Variants in ZNF736 observed in about 807,000 individuals in gnomAD.
ZNF736 encodes zinc finger protein 736.
In ZNF736, 6 loss-of-function variants were observed where a neutral mutation model predicts 11.7. That is an observed-to-expected ratio of 0.51 (90% CI 0.28 to 1.01). ZNF736 has a LOEUF of 1.01. Ranked by LOEUF, ZNF736 falls within the 50% of genes least tolerant of loss-of-function variation. The pLI is 0.09. For synonymous variants in ZNF736, 139 were observed against 164.7 expected (o/e 0.84, Z 1.19); for missense variants, 444 against 496.0 (o/e 0.90, Z 1.00).
In ZNF736 at chr7:64,354,733, GTGTATTTTATATTT is replaced by G. The variant is rs1435327589; in HGVS notation, c.*5590_*5603del. 6.6e-6 allele frequency: 1 copy of G among 152,118 alleles called. No homozygotes were observed. Among genetic ancestry groups the G allele is most frequent in the Non-Finnish European group, 1.5e-5 (1 of 68,014 alleles). 9.4% of individuals were successfully genotyped at this position (152,118 alleles called of 1,614,324 possible). On this transcript the variant is annotated 3_prime_UTR_variant, in exon 4 of 4. Transcript: ENST00000423484. ...CAGTGCGTGTATTGTATGTTATTTA[GTGTATTTTATATTT>G]TGTTTCAATTAGAGAATGCTATTGA...
chr7:64,320,892 G>T (rs1341255008), intron 1 of ZNF736, among the ~76,000 whole-genome samples: 1 of 152,080 alleles, frequency 6.6e-6, no homozygotes, highest in Non-Finnish European at 1.5e-5. Context: ...TTGCATTTTG[G>T]GGTCATCTGA....
In ZNF736 at chr7:64,353,886, A is replaced by G. The variant is rs1789522197; in HGVS notation, c.*4739A>G. 1 of 152,332 alleles carries G rather than the reference A, an allele frequency of 6.6e-6. No homozygotes were observed. Among genetic ancestry groups the G allele is most frequent in the South Asian group, 2.1e-4 (1 of 4,832 alleles). The allele number at this position is 152,332 out of a possible 1,614,324, so 9.4% of individuals were successfully genotyped here. ...CTTTTTAATGACAATGTGTGAACTT[A>G]ATTTGTTTTAATAAACCAAAATTAT... On this transcript the variant is annotated 3_prime_UTR_variant, in exon 4 of 4. Transcript: ENST00000423484.
chr7:64,337,848 A>G (rs1278620489), intron 3 of ZNF736, among the ~76,000 whole-genome samples: 1 of 145,520 alleles, frequency 6.9e-6, no homozygotes, highest in Non-Finnish European at 1.5e-5. Flanking sequence ...TCCGCCTCCC[A>G]GGTTCAAGCG....
In ZNF736 at chr7:64,353,699, C is replaced by CTTG. The variant is rs1789519759; in HGVS notation, c.*4554_*4555insGTT. 1 of 22,420 alleles carries CTTG rather than the reference C, an allele frequency of 4.5e-5. No homozygotes were observed. Among genetic ancestry groups the CTTG allele is most frequent in the South Asian group, 6.8e-4 (1 of 1,478 alleles). The allele number at this position is 22,420 out of a possible 1,614,324, so 1.4% of individuals were successfully genotyped here. A position where few individuals can be genotyped will look rare whatever the true frequency, so the allele number is the denominator to read the frequency against. ...GAAGAAATTCTAAGTGGAAAGGCCA[C>CTTG]TTATTAGTTTACAGCAGTATCGTAA... On this transcript the variant is annotated 3_prime_UTR_variant, in exon 4 of 4. Transcript: ENST00000423484.
At chr7:64,319,565 G>A (rs1381044214) in intron 1 of ZNF736, among the ~76,000 whole-genome samples, 2 of 121,990 alleles carry the variant, frequency 1.6e-5, no homozygotes, top group Non-Finnish European at 3.2e-5. Context: ...GAGCGGTCTT[G>A]GCTCACTGCA....
Position 64,348,347 on chromosome 7 carries a change from G to T in ZNF736, c.484G>T (p.Glu162Ter). 1 of 1,551,490 alleles carries T rather than the reference G, an allele frequency of 6.4e-7. No individual in the cohort carries two copies. Among genetic ancestry groups the T allele is most frequent in the Non-Finnish European group, 8.7e-7 (1 of 1,146,828 alleles). The change falls in exon 4 of 4, where the codon GAA becomes TAA. Residue 162 changes from glutamate (E) to a stop codon, truncating the protein, a stop_gained. Transcript: ENST00000423484. LOFTEE classifies it low-confidence loss of function (END_TRUNC). ...RGFQLCSIFTEHKDIFSREKC... is the reference protein window; with the variant it reads ...RGFQLCSIFT The stretch of plus-strand genomic sequence containing the variant: ...TTTTCAGTTGTGCTCAATCTTCACT[G>T]AACATAAAGACATTTTTAGCAGAGA...
rs1382286438 is a variant in ZNF736 at position 64,355,959 on chromosome 7, A to G, written c.*6812A>G. The stretch of plus-strand genomic sequence containing the variant: ...TCTGGGTTGATTTGGGGGCAATTGG[A>G]TGATATATAGAGTGGTTATGCTGCA... On this transcript the variant is annotated 3_prime_UTR_variant, in exon 4 of 4. Coordinates refer to ENST00000423484, the MANE Select transcript of ZNF736 (RefSeq NM_001170905.3). 2.1e-5 allele frequency: 4 copies of G among 189,112 alleles called. No individual in the cohort carries two copies. In the East Asian group the frequency reaches 5.2e-4, roughly 25 times the overall value. The allele number at this position is 189,112 out of a possible 1,614,324, so 11.7% of individuals were successfully genotyped here.
In ZNF736 at chr7:64,335,297, T is replaced by TA. The variant is rs551244679; in HGVS notation, c.4-950dup. ...CACATGTATCCCAGAACTTAAAGTT[T>TA]AAAAAAAAAAAAGTTTAGCCAAAAA... On this transcript the variant is annotated intron_variant, in intron 1 of 3. Coordinates refer to ENST00000423484, the MANE Select transcript of ZNF736 (RefSeq NM_001170905.3). Among the ~76,000 whole-genome samples the TA allele has an allele frequency of 2.4e-3, 343 of 145,424 alleles. 1 individual carries two copies. Among genetic ancestry groups the TA allele is most frequent in the African/African-American group, 7.8e-3 (312 of 39,864 alleles).
chr7:64,347,525 C>T (rs1789428383), intron 3 of ZNF736, among the ~76,000 whole-genome samples: 3 of 152,098 alleles, frequency 2.0e-5, no homozygotes, highest in Admixed American at 2.0e-4. Flanking sequence ...CACTCCTGGC[C>T]ATTCCCTATG....
At chr7:64,347,837 TG>T (rs988385721) in intron 3 of ZNF736, among the ~76,000 whole-genome samples, 1 of 152,172 alleles carries the variant, frequency 6.6e-6, no homozygotes, top group Non-Finnish European at 1.5e-5. Context: ...TGGGTAAATA[TG>T]AAATACTTTT....
At chr7:64,314,669 A>G (rs1371963099) in intron 1 of ZNF736, among the ~76,000 whole-genome samples, 2 of 152,078 alleles carry the variant, frequency 1.3e-5, no homozygotes, top group African/African-American at 2.4e-5. Flanking sequence ...GGCTCAGATG[A>G]TCCTCTCACC....
At position 64,336,929 on chromosome 7, in the gene ZNF736, A is replaced by G. The variant is rs1209515330; in HGVS notation, c.173A>G (p.Gln58Arg). ...CCAGACTTGATGACCTGTCTGGAGC[A>G]AAGAAAAGAGCCTTGGAAAGTGAAG... ...FKPDLMTCLE[Q>R]RKEPWKVKRQ... is the part of the protein sequence containing the mutation. Residue 58 changes from glutamine to arginine, a missense_variant, in exon 3 of 4, where the codon CAA (glutamine) becomes CGA (arginine). Gln to Arg is a conservative substitution (Grantham distance 43). Coordinates refer to ENST00000423484, the MANE Select transcript of ZNF736 (RefSeq NM_001170905.3). 5.0e-6 allele frequency: 8 copies of G among 1,604,618 alleles called. No individual in the cohort carries two copies. The highest frequency in any genetic ancestry group is 6.8e-6 in the Non-Finnish European group (8 of 1,175,244).
intron 1 of ZNF736, among the ~76,000 whole-genome samples, chr7:64,320,410 A>T (rs1245107191): frequency 6.6e-6 from 1 of 152,246 alleles, no homozygotes; most frequent in Non-Finnish European, 1.5e-5. Context: ...AAAATCAAAT[A>T]ATAAAAACAA....
At chr7:64,317,985 CCTT>C (rs1481764664) in intron 1 of ZNF736, among the ~76,000 whole-genome samples, 1 of 151,776 alleles carries the variant, frequency 6.6e-6, no homozygotes, top group Non-Finnish European at 1.5e-5. Flanking sequence ...TTGTTTCTCT[CCTT>C]AACAATAGTT....
intron 3 of ZNF736, among the ~76,000 whole-genome samples, chr7:64,339,634 A>G (rs1044203145): frequency 6.6e-6 from 1 of 150,926 alleles, no homozygotes; most frequent in Non-Finnish European, 1.5e-5. Context: ...ATCCTGCTCC[A>G]CTGATATCGG....
intron 3 of ZNF736, among the ~76,000 whole-genome samples, chr7:64,343,336 A>G (rs1789364613): frequency 6.6e-6 from 1 of 152,238 alleles, no homozygotes; most frequent in African/African-American, 2.4e-5. Flanking sequence ...GCATGTTCTT[A>G]CTTACAAGTG....
rs187354713 is a variant in ZNF736 at position 64,343,337 on chromosome 7, C to G, written c.227-4753C>G. On this transcript the variant is annotated intron_variant, in intron 3 of 3. Transcript: ENST00000423484. ...GAAAGGCAAATACTGCATGTTCTTA[C>G]TTACAAGTGAGAGCTAAATATTGAG... Among the ~76,000 whole-genome samples the G allele has an allele frequency of 7.2e-5, 11 of 152,214 alleles. No individual in the cohort carries two copies. The East Asian group carries it at 2.1e-3, about 29-fold the overall frequency.
intron 1 of ZNF736, among the ~76,000 whole-genome samples, chr7:64,335,539 G>A (rs1789235555): frequency 6.6e-6 from 1 of 152,142 alleles, no homozygotes. Context: ...CTTTCTGACA[G>A]ATATTTTTCA....
In ZNF736 at chr7:64,336,368, GA is replaced by G. The variant is rs755202032; in HGVS notation, c.116del (p.Asn39ThrfsTer14). ...AGGGATGTGATGTTAGAGAACTATG[GA>G]AACCTGGTCTCCTTGGGTGAGAATA... is the stretch of plus-strand genomic sequence containing the variant. ...LYRDVMLENY[G>X]NLVSLGLAIF... On this transcript the variant is annotated frameshift_variant, in exon 2 of 4. Coordinates refer to ENST00000423484, the MANE Select transcript of ZNF736 (RefSeq NM_001170905.3). LOFTEE classifies it high-confidence loss of function. 58 of 1,612,874 alleles carry G rather than the reference GA, an allele frequency of 3.6e-5. 1 individual carries two copies. The African/African-American group carries it at 6.4e-4, about 18-fold the overall frequency.
Sources: allele counts gnomAD v4.1 joint callset (sites outside exome capture counted in the v4.1 genomes callset), GRCh38; gene constraint gnomAD v4.1.1; transcripts MANE v1.5; gene names NCBI Gene and HGNC (gene_info 2026-07-23, HGNC 2026-07-21).